Variants in SLCO1A2 observed in about 807,000 individuals in gnomAD.
SLCO1A2 encodes OATP-1.
SLCO1A2 carries 67 observed loss-of-function variants against 69.0 expected under a neutral mutation model. That is an observed-to-expected ratio of 0.97 (90% confidence interval 0.80 to 1.19). The LOEUF is 1.19. Among genes scored for constraint, SLCO1A2 ranks in the 50% most tolerant of loss-of-function variants. The pLI is 0.00. For synonymous variants in SLCO1A2, 260 were observed against 265.9 expected (o/e 0.98, Z 0.22); for missense variants, 787 against 793.7 (o/e 0.99, Z 0.10).
chr12:21,388,106 G>A (rs575497003), intron 1 of SLCO1A2, among the ~76,000 whole-genome samples: 1 of 152,128 alleles, frequency 6.6e-6, no homozygotes, highest in Non-Finnish European at 1.5e-5. Context: ...TACCCCTATT[G>A]TATCTAGGAA....
chr12:21,297,310 C>T, intron 9 of SLCO1A2, 94 bp downstream of exon 9: 4 of 789,308 alleles, frequency 5.1e-6, no homozygotes, highest in South Asian at 3.9e-5. Flanking sequence ...AAAAAATATC[C>T]TAAAACACTT....
At chr12:21,372,037 A>C (rs1482410195) in intron 2 of SLCO1A2, among the ~76,000 whole-genome samples, 2 of 152,114 alleles carry the variant, frequency 1.3e-5, no homozygotes, top group East Asian at 1.9e-4. Context: ...GAGAGAAAGA[A>C]ATACAAGAAA....
chr12:21,319,326 A>G (rs1165203836), intron 2 of SLCO1A2: 1 of 1,365,972 alleles, frequency 7.3e-7, no homozygotes, highest in African/African-American at 1.5e-5. Flanking sequence ...TTTCGGTAGC[A>G]AATATACTTA....
At chr12:21,355,523 T>G (rs371459243) in intron 2 of SLCO1A2, among the ~76,000 whole-genome samples, 1 of 152,266 alleles carries the variant, frequency 6.6e-6, no homozygotes, top group East Asian at 1.9e-4. Context: ...AGACCTAAAC[T>G]TTGAGTCTGT....
chr12:21,418,929 A>T (rs531243186), upstream of SLCO1A2, among the ~76,000 whole-genome samples: 1 of 152,182 alleles, frequency 6.6e-6, no homozygotes, highest in Non-Finnish European at 1.5e-5. Context: ...TATTGAAAAA[A>T]ATTAAGAATA....
In SLCO1A2 at chr12:21,292,331, G is replaced by T; in HGVS notation, c.1443C>A (p.Phe481Leu). The T allele has an allele frequency of 6.2e-7, 1 of 1,602,726 alleles. No homozygotes were observed. ...TSIGTGINMV[F>L]QNCSCIQTSG... ...ATGTTTGAATACAGCTGCAATTTTG[G>T]AACACCTGCCAAAAAATAACATATT... Residue 481 changes from phenylalanine to leucine, a missense_variant, in exon 12 of 15, where the codon TTC (phenylalanine) becomes TTA (leucine). Physicochemically the swap from Phe to Leu is conservative, Grantham distance 22. Coordinates refer to ENST00000683939, the MANE Select transcript of SLCO1A2 (RefSeq NM_001386879.1).
chr12:21,330,389 T>C (rs1952534091), intron 2 of SLCO1A2, among the ~76,000 whole-genome samples: 1 of 152,072 alleles, frequency 6.6e-6, no homozygotes, highest in African/African-American at 2.4e-5. Context: ...TGCACACTTG[T>C]AGTTCCAGCT....
At chr12:21,352,107 C>G (rs1938004584) in intron 2 of SLCO1A2, among the ~76,000 whole-genome samples, 2 of 152,126 alleles carry the variant, frequency 1.3e-5, no homozygotes, top group African/African-American at 2.4e-5. Context: ...ATATCAAACA[C>G]CCAATTGCAT....
intron 2 of SLCO1A2, among the ~76,000 whole-genome samples, chr12:21,342,594 T>G (rs1008816042): frequency 2.2e-4 from 34 of 152,076 alleles, no homozygotes; most frequent in Admixed American, 2.1e-3. Flanking sequence ...CAACATTAAT[T>G]TAACATAAGG....
intron 2 of SLCO1A2, among the ~76,000 whole-genome samples, chr12:21,349,517 T>A (rs1397317703): frequency 6.6e-6 from 1 of 152,198 alleles, no homozygotes; most frequent in Admixed American, 6.5e-5. Flanking sequence ...CCCATACGTA[T>A]CCTTGCTCTC....
At chr12:21,404,272 G>T (rs1047860609) in intron 1 of SLCO1A2, among the ~76,000 whole-genome samples, 1 of 152,038 alleles carries the variant, frequency 6.6e-6, no homozygotes, top group African/African-American at 2.4e-5. Context: ...TACATGTGCA[G>T]GGCATGCAGG....
chr12:21,278,113 C>T (rs1944197951), intron 12 of SLCO1A2, among the ~76,000 whole-genome samples: 1 of 152,110 alleles, frequency 6.6e-6, no homozygotes, highest in Non-Finnish European at 1.5e-5. Flanking sequence ...GGCAGTATTC[C>T]CTGTGGGCCT....
chr12:21,305,231 C>T (rs1949217024), intron 5 of SLCO1A2, among the ~76,000 whole-genome samples: 1 of 152,136 alleles, frequency 6.6e-6, no homozygotes, highest in Admixed American at 6.5e-5. Flanking sequence ...AAAGACTAGA[C>T]CAAAGGGAAT....
chr12:21,295,621 A>T lies in SLCO1A2; in HGVS notation c.1247T>A (p.Val416Asp), dbSNP rs144033525. 9.5e-5 allele frequency: 151 copies of T among 1,594,002 alleles called. No homozygotes were observed. In the African/African-American group the frequency reaches 1.8e-3, roughly 19 times the overall value. ...FLMTCENSSV[V>D]GINTSYEGIP... ...CCCTTCATAAGAGGTATTTATTCCA[A>T]CAACTGAAGAATTTTCACAAGTCAT... is the stretch of plus-strand genomic sequence containing the variant. The change falls in exon 10 of 15, where the codon GTT (valine) becomes GAT (aspartate). Residue 416 changes from valine (V) to aspartate (D), a missense_variant. Physicochemically the swap from Val to Asp is radical, Grantham distance 152 (BLOSUM62 -3). Coordinates refer to ENST00000683939, the MANE Select transcript of SLCO1A2 (RefSeq NM_001386879.1).
intron 1 of SLCO1A2, among the ~76,000 whole-genome samples, chr12:21,404,536 T>G (rs1941790821): frequency 6.6e-6 from 1 of 152,178 alleles, no homozygotes. Context: ...GGCTTCCAGC[T>G]CCATCCATGT....
rs562773956 is a variant in SLCO1A2, at chr12:21,361,470, A to G, written c.-63+12929T>C. 5.9e-5 allele frequency among the ~76,000 whole-genome samples: 9 copies of G among 152,362 alleles called. No homozygotes were observed. The East Asian group carries it at 1.7e-3, about 29-fold the overall frequency. Reference sequence around the variant, plus strand: ...AGAAAAGCTGAAAATTCTAAAAATTAGCGCACCTCTTCTCCTCCAAAGGAA... The same window carrying G: ...AGAAAAGCTGAAAATTCTAAAAATTGGCGCACCTCTTCTCCTCCAAAGGAA... On this transcript the variant is annotated intron_variant, in intron 2 of 15. Transcript: ENST00000307378.
Position 21,274,538 on chromosome 12 carries a change from C to G in SLCO1A2, c.1724G>C (p.Cys575Ser), listed in dbSNP as rs762098103. ...IYFGALMDST[C>S]LHWGTLKCGE... The stretch of plus-strand genomic sequence containing the variant: ...ACATTTCAAAGTTCCCCAGTGTAAA[C>G]ATGTGGAATCCATTAAAGCGCCAAA... The change falls in exon 14 of 15, where the codon TGT (cysteine) becomes TCT (serine). Residue 575 changes from cysteine (C) to serine (S), a missense_variant. Cys to Ser is a moderately radical substitution (Grantham distance 112). Coordinates refer to ENST00000683939, the MANE Select transcript of SLCO1A2 (RefSeq NM_001386879.1). 7 of 1,613,678 alleles carry G rather than the reference C, an allele frequency of 4.3e-6. No individual in the cohort carries two copies. The East Asian group carries it at 1.6e-4, about 36-fold the overall frequency.
At chr12:21,275,808 G>T (rs1943715179) in intron 12 of SLCO1A2, among the ~76,000 whole-genome samples, 1 of 152,166 alleles carries the variant, frequency 6.6e-6, no homozygotes, top group African/African-American at 2.4e-5. Context: ...TGGGTGTGGT[G>T]GTGGGTGCCT....
chr12:21,269,858 A>G, intron 14 of SLCO1A2, 91 bp from the exon 15 acceptor site: 1 of 949,940 alleles, frequency 1.1e-6, no homozygotes, highest in East Asian at 2.9e-5. Flanking sequence ...ATTCTGATAA[A>G]AACAGCAGCT....
Sources: allele counts gnomAD v4.1 joint callset (sites outside exome capture counted in the v4.1 genomes callset), GRCh38; gene constraint gnomAD v4.1.1; transcripts MANE v1.5; gene names NCBI Gene and HGNC (gene_info 2026-07-23, HGNC 2026-07-21).